LINGO2: variants seen among roughly 807,000 people sequenced by gnomAD.
The protein encoded by LINGO2 is leucine-rich repeat and immunoglobulin-like domain-containing nogo receptor-interacting protein 2.
LINGO2 carries 14 observed loss-of-function variants against 30.6 expected under a neutral mutation model. The ratio of observed to expected loss-of-function variants is 0.46; its 90% CI spans 0.30 to 0.72. The LOEUF (loss-of-function observed/expected upper bound fraction) is 0.72. LINGO2 is among the 30% of genes least tolerant of loss of function. LINGO2 has a pLI of 0.07. For synonymous variants in LINGO2, 317 were observed against 288.5 expected (o/e 1.10, Z -1.00); for missense variants, 729 against 751.7 (o/e 0.97, Z 0.35).
chr9:29,170,546 A>G, the LINGO2 span, among the ~76,000 whole-genome samples: 4 of 152,138 alleles, frequency 2.6e-5, no homozygotes, highest in South Asian at 8.3e-4. Context: ...ACTATGCTAT[A>G]TATCTATATA....
At chr9:28,057,290 T>A (rs1250353526) in intron 4 of LINGO2, among the ~76,000 whole-genome samples, 1 of 151,974 alleles carries the variant, frequency 6.6e-6, no homozygotes, top group East Asian at 1.9e-4. Flanking sequence ...GTTTTTTTTT[T>A]TTATTGCAGG....
chr9:28,421,059 G>T (rs1354957701), intron 2 of LINGO2, among the ~76,000 whole-genome samples: 2 of 151,812 alleles, frequency 1.3e-5, no homozygotes, highest in African/African-American at 2.4e-5. Context: ...ATACTAAATG[G>T]CTTTCCTTTT....
At chr9:28,476,517 C>T (rs1338585917) in intron 1 of LINGO2, among the ~76,000 whole-genome samples, 7 of 152,150 alleles carry the variant, frequency 4.6e-5, no homozygotes, top group Admixed American at 2.6e-4. Flanking sequence ...CCTCGTGATC[C>T]TCCCGCCGCG....
At chr9:28,837,282 C>G in the LINGO2 span, among the ~76,000 whole-genome samples, 1 of 152,126 alleles carries the variant, frequency 6.6e-6, no homozygotes, top group Non-Finnish European at 1.5e-5. Flanking sequence ...TGGTTTATAA[C>G]ATTCCATAGT....
At chr9:28,804,042 C>T in the LINGO2 span, among the ~76,000 whole-genome samples, 38 of 152,114 alleles carry the variant, frequency 2.5e-4, no homozygotes, top group Admixed American at 1.1e-3. Context: ...TATTTGAAGG[C>T]CTCCACTTAG....
At chr9:28,080,806 A>C (rs1233104319) in intron 4 of LINGO2, 1 of 152,160 alleles carries the variant, frequency 6.6e-6, no homozygotes, top group African/African-American at 2.4e-5. Context: ...TTAAATTCTA[A>C]AAAGAATGTA....
chr9:28,324,802 A>C (rs1174395353), intron 3 of LINGO2, among the ~76,000 whole-genome samples: 1 of 152,134 alleles, frequency 6.6e-6, no homozygotes, highest in Non-Finnish European at 1.5e-5. Flanking sequence ...AGAAGTAAAA[A>C]TACATATAAG....
At chr9:28,898,800 C>T in the LINGO2 span, among the ~76,000 whole-genome samples, 1 of 151,918 alleles carries the variant, frequency 6.6e-6, no homozygotes, top group East Asian at 1.9e-4. Context: ...GGGAGAAGAG[C>T]AGAAAAATAA....
At chr9:27,964,597 C>T (rs1820006498) in intron 5 of LINGO2, among the ~76,000 whole-genome samples, 1 of 151,970 alleles carries the variant, frequency 6.6e-6, no homozygotes, top group Non-Finnish European at 1.5e-5. Flanking sequence ...CATCTTTATT[C>T]TTTTCTTCTA....
chr9:27,970,184 A>T (rs1820287524), intron 5 of LINGO2, among the ~76,000 whole-genome samples: 1 of 152,154 alleles, frequency 6.6e-6, no homozygotes, highest in Non-Finnish European at 1.5e-5. Context: ...GAGTGGGGAC[A>T]CTGTGTGTAG....
chr9:28,065,455 T>C (rs534899157), intron 4 of LINGO2, among the ~76,000 whole-genome samples: 2 of 152,026 alleles, frequency 1.3e-5, no homozygotes, highest in South Asian at 2.1e-4. Flanking sequence ...TATTTAAGAG[T>C]TGCATAGTAA....
chr9:28,106,188 T>A (rs1255426263), intron 4 of LINGO2, among the ~76,000 whole-genome samples: 1 of 152,112 alleles, frequency 6.6e-6, no homozygotes, highest in Non-Finnish European at 1.5e-5. Flanking sequence ...GGAAAAACTG[T>A]TTTCCATGAA....
intron 4 of LINGO2, among the ~76,000 whole-genome samples, chr9:28,200,080 A>T (rs1820174475): frequency 6.6e-6 from 1 of 151,956 alleles, no homozygotes; most frequent in South Asian, 2.1e-4. Flanking sequence ...ACAACAAAAC[A>T]CTTTCTTCAC....
chr9:29,131,068 A>G, the LINGO2 span, among the ~76,000 whole-genome samples: 1 of 152,192 alleles, frequency 6.6e-6, no homozygotes, highest in Non-Finnish European at 1.5e-5. Flanking sequence ...CCTGGATAAT[A>G]GTAGCCATTT....
At chr9:28,003,523 A>G (rs545729606) in intron 5 of LINGO2, among the ~76,000 whole-genome samples, 2 of 152,256 alleles carry the variant, frequency 1.3e-5, no homozygotes, top group African/African-American at 2.4e-5. Context: ...CAGTGGCACA[A>G]TCTCGGCTCA....
At chr9:28,296,828 G>T (rs1190000243) in intron 3 of LINGO2, among the ~76,000 whole-genome samples, 1 of 152,098 alleles carries the variant, frequency 6.6e-6, no homozygotes, top group African/African-American at 2.4e-5. Flanking sequence ...TGTATTTATT[G>T]ATCCAAGTTG....
chr9:28,669,894 G>T (rs1828948292), intron 1 of LINGO2, among the ~76,000 whole-genome samples: 1 of 151,902 alleles, frequency 6.6e-6, no homozygotes, highest in South Asian at 2.1e-4. Flanking sequence ...TGTTTTAATG[G>T]ATAAAAATGA....
intron 4 of LINGO2, among the ~76,000 whole-genome samples, chr9:28,294,815 T>C (rs565379205): frequency 6.6e-6 from 1 of 152,314 alleles, no homozygotes; most frequent in South Asian, 2.1e-4. Flanking sequence ...TAAGATCATA[T>C]GCCATGAACT....
At chr9:28,891,874 G>A in the LINGO2 span, among the ~76,000 whole-genome samples, 8 of 151,814 alleles carry the variant, frequency 5.3e-5, no homozygotes, top group Admixed American at 3.9e-4. Context: ...TTTAGACTAC[G>A]TGAATGCTGT....
Sources: gnomAD v4.1 joint callset for allele counts (sites outside exome capture counted in the v4.1 genomes callset) on GRCh38, gnomAD v4.1.1 for gene constraint, MANE v1.5 for transcripts, NCBI Gene and HGNC (gene_info 2026-07-23, HGNC 2026-07-21) for gene names.